Variants in CNTNAP2 observed in about 807,000 individuals in gnomAD.
CNTNAP2 encodes the protein contactin-associated protein-like 2.
Under a neutral mutation model 155.2 loss-of-function variants are expected in CNTNAP2, and 98 were observed. That is an observed-to-expected ratio of 0.63 (90% CI 0.54 to 0.75). The LOEUF (loss-of-function observed/expected upper bound fraction) is 0.75, where lower values mean the gene tolerates loss of function less well. Ranked by LOEUF, CNTNAP2 falls within the 30% of genes least tolerant of loss-of-function variation. The pLI, the probability that CNTNAP2 is intolerant of heterozygous loss-of-function variation, is 0.00. For missense variants in CNTNAP2, 1,727 were observed against 1,688.1 expected (o/e 1.02, Z -0.40); for synonymous variants, 651 against 631.2 (o/e 1.03, Z -0.47).
intron 1 of CNTNAP2, among the ~76,000 whole-genome samples, chr7:146,255,706 T>C (rs969253438): frequency 6.6e-6 from 1 of 152,142 alleles, no homozygotes; most frequent in African/African-American, 2.4e-5. Flanking sequence ...TCAGAGGTGG[T>C]ATAATTAGAC....
At chr7:146,711,420 A>G (rs1242689008) in intron 1 of CNTNAP2, among the ~76,000 whole-genome samples, 1 of 147,708 alleles carries the variant, frequency 6.8e-6, no homozygotes, top group Non-Finnish European at 1.5e-5. Flanking sequence ...TATGTAATAT[A>G]TAATATATAC....
chr7:146,972,261 G>C (rs1797816681), intron 3 of CNTNAP2, among the ~76,000 whole-genome samples: 1 of 152,024 alleles, frequency 6.6e-6, no homozygotes, highest in Non-Finnish European at 1.5e-5. Flanking sequence ...GTATATTCTA[G>C]TAATGATACT....
At chr7:146,236,312 A>C (rs906549546) in intron 1 of CNTNAP2, among the ~76,000 whole-genome samples, 13 of 152,198 alleles carry the variant, frequency 8.5e-5, no homozygotes, top group African/African-American at 2.9e-4. Flanking sequence ...TGTAATATTT[A>C]TTCATGTTAA....
chr7:146,847,312 G>A (rs1803861133), intron 3 of CNTNAP2, among the ~76,000 whole-genome samples: 1 of 152,114 alleles, frequency 6.6e-6, no homozygotes, highest in South Asian at 2.1e-4. Context: ...CTGAGAGGCC[G>A]TGGAATGAGT....
intron 9 of CNTNAP2, among the ~76,000 whole-genome samples, chr7:147,341,769 TACACACACACACACACACACACACACAC>T (rs35486619): frequency 6.8e-6 from 1 of 147,318 alleles, no homozygotes; most frequent in Non-Finnish European, 1.5e-5. Context: ...CACATACACA[TACACACACACACACACACACACACACAC>T]ACACAAATGC....
chr7:146,288,142 T>TA lies in CNTNAP2; in HGVS notation c.97+171175dup, dbSNP rs1277603263. ...TAGGGACCCCGTCTCTACTAAAAAT[T>TA]AAAAAATTAGCCAGTCCTGGTGGTG... On this transcript the variant is annotated intron_variant, in intron 1 of 23. Coordinates refer to ENST00000361727, the MANE Select transcript of CNTNAP2 (RefSeq NM_014141.6). Among the ~76,000 whole-genome samples the TA allele has an allele frequency of 2.6e-5, 4 of 151,416 alleles. No homozygotes were observed. The South Asian group carries it at 8.4e-4, about 32-fold the overall frequency.
chr7:148,158,315 C>T (rs369566923), intron 17 of CNTNAP2, among the ~76,000 whole-genome samples: 3 of 149,350 alleles, frequency 2.0e-5, no homozygotes, highest in African/African-American at 5.0e-5. Flanking sequence ...CTCCGCCTCC[C>T]GGGTTCAAGC....
chr7:148,103,335 C>T (rs1804144479), intron 15 of CNTNAP2, among the ~76,000 whole-genome samples: 1 of 151,950 alleles, frequency 6.6e-6, no homozygotes. Flanking sequence ...TTCACATCAT[C>T]CACGCAGCAG....
intron 2 of CNTNAP2, among the ~76,000 whole-genome samples, chr7:146,785,326 A>C (rs1802557742): frequency 6.6e-6 from 1 of 152,150 alleles, no homozygotes; most frequent in African/African-American, 2.4e-5. Flanking sequence ...CATCTCAAAT[A>C]AGGAGGTGGA....
intron 8 of CNTNAP2, among the ~76,000 whole-genome samples, chr7:147,137,767 A>G (rs1389962427): frequency 1.3e-5 from 2 of 151,894 alleles, no homozygotes; most frequent in Non-Finnish European, 2.9e-5. Flanking sequence ...TTCATAACTC[A>G]TTTTGAACAA....
chr7:146,605,070 A>G (rs1937572337), intron 1 of CNTNAP2, among the ~76,000 whole-genome samples: 1 of 137,712 alleles, frequency 7.3e-6, no homozygotes, highest in Non-Finnish European at 1.6e-5. Flanking sequence ...AACTTAAAGT[A>G]TAATAAAAAA....
intron 1 of CNTNAP2, among the ~76,000 whole-genome samples, chr7:146,697,552 C>T (rs1031808924): frequency 6.6e-6 from 1 of 152,108 alleles, no homozygotes; most frequent in South Asian, 2.1e-4. Flanking sequence ...ATTTTAAATG[C>T]CTCATAATTT....
rs1451177610 is a variant in CNTNAP2, at chr7:147,132,371, T to C, written c.1210T>C (p.Trp404Arg). 6.2e-7 allele frequency: 1 copy of C among 1,613,708 alleles called. No homozygotes were observed. The change falls in exon 8 of 24, where the codon TGG becomes CGG. Residue 404 changes from tryptophan to arginine, a missense_variant. Trp to Arg is a moderately radical substitution (Grantham distance 101). Transcript: ENST00000361727. ...LFSVSFQFRT[W>R]NPNGLLVFSH... is the part of the protein sequence containing the mutation. ...CTCAGTCAGTTTCCAGTTTAGGACA[T>C]GGAACCCCAATGGTCTCCTGGTCTT...
At chr7:147,426,132 C>T (rs547759823) in intron 10 of CNTNAP2, among the ~76,000 whole-genome samples, 235 of 151,170 alleles carry the variant, frequency 1.6e-3, no homozygotes, top group South Asian at 3.3e-3. Context: ...GAATATGTGA[C>T]GATGTGTACA....
At chr7:146,753,391 G>T (rs1801939682) in intron 1 of CNTNAP2, among the ~76,000 whole-genome samples, 1 of 151,630 alleles carries the variant, frequency 6.6e-6, no homozygotes, top group South Asian at 2.1e-4. Context: ...TGTAAGAATG[G>T]TCAATATCTG....
intron 1 of CNTNAP2, among the ~76,000 whole-genome samples, chr7:146,132,283 G>A (rs906245000): frequency 3.9e-5 from 6 of 152,024 alleles, no homozygotes; most frequent in African/African-American, 1.2e-4. Context: ...TGGGGAGGTT[G>A]GTGTATAAAG....
chr7:147,893,316 T>C (rs888088341), intron 13 of CNTNAP2, among the ~76,000 whole-genome samples: 7 of 152,162 alleles, frequency 4.6e-5, no homozygotes, highest in Non-Finnish European at 8.8e-5. Context: ...AAAAAAAGTA[T>C]TAAAAGGACT....
intron 1 of CNTNAP2, among the ~76,000 whole-genome samples, chr7:146,128,082 A>G (rs889040435): frequency 2.6e-5 from 4 of 152,166 alleles, no homozygotes; most frequent in African/African-American, 7.2e-5. Context: ...CAAATTTTAT[A>G]TTCTTCACAA....
rs1798519321 is a variant in CNTNAP2, at chr7:146,179,437, A to G, written c.97+62464A>G. Among the ~76,000 whole-genome samples, 3 of 152,294 alleles carry G rather than the reference A, an allele frequency of 2.0e-5. No homozygotes were observed. In the South Asian group the frequency reaches 6.2e-4, roughly 32 times the overall value. ...AAGTCAGAAAAAAACTTTAGCATTT[A>G]GTTCACTAAAAGAAATAATGATCCA... On this transcript the variant is annotated intron_variant, in intron 1 of 23. Coordinates refer to ENST00000361727, the MANE Select transcript of CNTNAP2 (RefSeq NM_014141.6).
Sources: allele counts gnomAD v4.1 joint callset (sites outside exome capture counted in the v4.1 genomes callset), GRCh38; gene constraint gnomAD v4.1.1; transcripts MANE v1.5; gene names NCBI Gene and HGNC (gene_info 2026-07-23, HGNC 2026-07-21).